KIF24: variants seen among roughly 807,000 people sequenced by gnomAD.
KIF24 encodes the protein kinesin-like protein KIF24.
KIF24 carries 81 observed loss-of-function variants against 118.9 expected under a neutral mutation model. That is an observed-to-expected ratio of 0.68 (90% CI 0.57 to 0.82). KIF24 has a LOEUF of 0.82. Among genes scored for constraint, KIF24 ranks in the 40% least tolerant of loss-of-function variants. The probability of loss-of-function intolerance (pLI) is 0.00; values close to 1 mark genes in which losing one functional copy is unlikely to be tolerated. For missense variants in KIF24, 1,560 were observed against 1,661.6 expected (o/e 0.94, Z 1.06); for synonymous variants, 599 against 610.0 (o/e 0.98, Z 0.27).
chr9:34,276,615 C>A (rs1835670558), intron 6 of KIF24, among the ~76,000 whole-genome samples: 2 of 151,870 alleles, frequency 1.3e-5, no homozygotes, highest in African/African-American at 4.8e-5. Flanking sequence ...ATATTTTTTC[C>A]ATGATCTAAG....
rs1317249586 is a variant in KIF24 at position 34,256,739 on chromosome 9, A to T, written c.2868T>A (p.Ser956=). ...AGGCATCCTTTCTGAGATCAAAGGA[A>T]GAGCCTCCACCTCTTTCCTGTCTAT... ...FIYRQERGGG[S]SFDLRKDASQ... The change falls in exon 11 of 13, where the codon TCT becomes TCA. Residue 956 remains serine (S), a synonymous_variant. Coordinates refer to ENST00000402558, the MANE Select transcript of KIF24 (RefSeq NM_194313.4). 2 of 1,613,960 alleles carry T rather than the reference A, an allele frequency of 1.2e-6. No individual in the cohort carries two copies. Among genetic ancestry groups the T allele is most frequent in the South Asian group, 2.2e-5 (2 of 91,086 alleles).
At chr9:34,269,224 G>A (rs1381089422) in intron 8 of KIF24, 33 bp downstream of exon 8, 2 of 1,320,648 alleles carry the variant, frequency 1.5e-6, no homozygotes, top group Non-Finnish European at 2.2e-6. Context: ...CTTTCAAGAA[G>A]GATTTTTAGA....
intron 7 of KIF24, among the ~76,000 whole-genome samples, chr9:34,269,995 A>T (rs12237192): frequency 6.7e-6 from 1 of 149,932 alleles, no homozygotes; most frequent in Admixed American, 6.6e-5. Flanking sequence ...AAGCCGAGGC[A>T]GGCAGATCAC....
intron 8 of KIF24, among the ~76,000 whole-genome samples, chr9:34,266,522 CA>C (rs537815532): frequency 6.6e-6 from 1 of 151,638 alleles, no homozygotes; most frequent in Non-Finnish European, 1.5e-5. Context: ...ACTAAAAATA[CA>C]AAAAATTAGC....
intron 3 of KIF24, among the ~76,000 whole-genome samples, chr9:34,297,949 G>A (rs1004609421): frequency 6.6e-6 from 1 of 151,758 alleles, no homozygotes; most frequent in African/African-American, 2.4e-5. Context: ...TCCTAAAAAT[G>A]TTAATCTACA....
At chr9:34,315,038 G>A (rs754019995) in intron 1 of KIF24, among the ~76,000 whole-genome samples, 33 of 152,208 alleles carry the variant, frequency 2.2e-4, no homozygotes, top group Non-Finnish European at 3.4e-4. Context: ...GGAAGTAGGT[G>A]GTAGAGGGTG....
chr9:34,268,603 G>T (rs1005940262), intron 8 of KIF24, among the ~76,000 whole-genome samples: 10 of 151,656 alleles, frequency 6.6e-5, no homozygotes, highest in Non-Finnish European at 1.0e-4. Context: ...CACCTCCTGG[G>T]TTCAAGCGAT....
At position 34,255,944 on chromosome 9, in the gene KIF24, G is replaced by A; in HGVS notation, c.3663C>T (p.Ala1221=). 1.2e-6 allele frequency: 2 copies of A among 1,613,924 alleles called. No individual in the cohort carries two copies. Among genetic ancestry groups the A allele is most frequent in the Non-Finnish European group, 1.7e-6 (2 of 1,179,866 alleles). Reference sequence around the variant, plus strand: ...GCCTTGTAGGATGTTTTCTCTCCTGGGCCCAGAGCTGGTCAGCCACATCAC... The same window carrying A: ...GCCTTGTAGGATGTTTTCTCTCCTGAGCCCAGAGCTGGTCAGCCACATCAC... ...GSSDVADQLW[A]QERKHPTRLG... Residue 1221 remains alanine, a synonymous_variant, in exon 11 of 13, where the codon GCC becomes GCT. Transcript: ENST00000402558.
chr9:34,321,451 T>A (rs966699207), intron 1 of KIF24, among the ~76,000 whole-genome samples: 2 of 151,852 alleles, frequency 1.3e-5, no homozygotes, highest in Admixed American at 1.3e-4. Context: ...AAATTAGATA[T>A]GTTAAAGTAC....
intron 1 of KIF24, among the ~76,000 whole-genome samples, chr9:34,316,780 A>T (rs1587971723): frequency 6.6e-6 from 1 of 152,164 alleles, no homozygotes; most frequent in South Asian, 2.1e-4. Flanking sequence ...AAGTAAAAAT[A>T]GTGCTTACTG....
At position 34,259,607 on chromosome 9, in the gene KIF24, G is replaced by A. The variant is rs1305682030; in HGVS notation, c.1614C>T (p.Arg538=). ...VATEHTLNTL[R]YADRVKELKK... ...GGGAGCTGACTTACCGGTCAGCATA[G>A]CGCAAGGTGTTGAGAGTGTGTTCAG... The change falls in exon 10 of 13, where the codon CGC becomes CGT. Residue 538 remains arginine (R), a synonymous_variant. Coordinates refer to ENST00000402558, the MANE Select transcript of KIF24 (RefSeq NM_194313.4). 2 of 1,613,720 alleles carry A rather than the reference G, an allele frequency of 1.2e-6. No individual in the cohort carries two copies. The highest frequency in any genetic ancestry group is 1.7e-6 in the Non-Finnish European group (2 of 1,179,640).
chr9:34,256,888 C>G lies in KIF24; in HGVS notation c.2719G>C (p.Asp907His). The change falls in exon 11 of 13, where the codon GAT becomes CAT. Residue 907 changes from aspartate to histidine, a missense_variant. Coordinates refer to ENST00000402558, the MANE Select transcript of KIF24 (RefSeq NM_194313.4). Reference protein sequence around the residue: ...DPINHRRAALDHSCSPSKGPV... With the variant: ...DPINHRRAALHHSCSPSKGPV... The stretch of plus-strand genomic sequence containing the variant: ...CCCTTACTTGGGCTGCAGCTGTGAT[C>G]GAGTGCTGCTCTTCTGTGGTTTATG... 6.2e-7 allele frequency: 1 copy of G among 1,613,958 alleles called. No homozygotes were observed. Among genetic ancestry groups the G allele is most frequent in the Non-Finnish European group, 8.5e-7 (1 of 1,179,886 alleles).
chr9:34,286,266 A>T (rs751137802), intron 6 of KIF24, among the ~76,000 whole-genome samples: 1 of 152,122 alleles, frequency 6.6e-6, no homozygotes, highest in Non-Finnish European at 1.5e-5. Context: ...CCCACGAGGC[A>T]GAGGTTGCAG....
chr9:34,256,377 G>A lies in KIF24; in HGVS notation c.3230C>T (p.Thr1077Met), dbSNP rs34101674. ...PSEQLVQDGA[T>M]HSLVAESTGG... ...TGTGCTCTCTGCCACTAGACTGTGC[G>A]TAGCCCCATCCTGGACCAGCTGCTC... is the stretch of plus-strand genomic sequence containing the variant. Residue 1077 changes from threonine to methionine, a missense_variant, in exon 11 of 13, where the codon ACG (threonine) becomes ATG (methionine). By Grantham distance (81) the Thr-to-Met change is moderately conservative. Transcript: ENST00000402558. The A allele has an allele frequency of 5.0e-4, 800 of 1,613,880 alleles. 4 individuals are homozygous for A. The highest frequency in any genetic ancestry group is 1.6e-3 in the Middle Eastern group (10 of 6,062).
chr9:34,256,255 G>C lies in KIF24; in HGVS notation c.3352C>G (p.Pro1118Ala), dbSNP rs368001662. Residue 1118 changes from proline (P) to alanine (A), a missense_variant, in exon 11 of 13, where the codon CCC (proline) becomes GCC (alanine). This residue lies in a region of KIF24 where 591 missense variants were observed against 655.6 expected (regional missense o/e 0.90). Coordinates refer to ENST00000402558, the MANE Select transcript of KIF24 (RefSeq NM_194313.4). The stretch of plus-strand genomic sequence containing the variant: ...TCACCACCAGGCTTATTATCAGGGG[G>C]AGATGAGGACAGCCACAGGTGCCTA... Reference protein sequence around the residue: ...ATRHLWLSSSPPDNKPGGDLP... With the variant: ...ATRHLWLSSSAPDNKPGGDLP... 3.1e-6 allele frequency: 5 copies of C among 1,606,526 alleles called. No homozygotes were observed. The Admixed American group carries it at 6.7e-5, about 22-fold the overall frequency.
chr9:34,319,511 T>C (rs1191099874), intron 1 of KIF24: 3 of 1,278,606 alleles, frequency 2.3e-6, no homozygotes, highest in Admixed American at 1.8e-5. Context: ...AGGACATCTA[T>C]GGGAGCAAGG....
intron 2 of KIF24, among the ~76,000 whole-genome samples, chr9:34,307,357 G>A (rs959856159): frequency 2.0e-5 from 3 of 151,042 alleles, no homozygotes; most frequent in Admixed American, 6.6e-5. Flanking sequence ...CAGTCATCAC[G>A]CTCAGCCTGG....
At chr9:34,254,778 T>C (rs1834755471) in intron 12 of KIF24, among the ~76,000 whole-genome samples, 1 of 152,070 alleles carries the variant, frequency 6.6e-6, no homozygotes, top group East Asian at 1.9e-4. Context: ...AGCAGACTGG[T>C]CACTGTTAGT....
chr9:34,259,500 CACACACACACGCGTGCACACAT>C, intron 10 of KIF24, 74 bp downstream of exon 10: 1 of 839,654 alleles, frequency 1.2e-6, no homozygotes, highest in East Asian at 2.6e-5. Context: ...CATGCACTTG[CACACACACACGCGTGCACACAT>C]GCTCACACAC....
Sources: gnomAD v4.1 joint callset for allele counts (sites outside exome capture counted in the v4.1 genomes callset) on GRCh38, gnomAD v4.1.1 for gene constraint, gnomAD v4.1.1 regional missense constraint, MANE v1.5 for transcripts, NCBI Gene and HGNC (gene_info 2026-07-23, HGNC 2026-07-21) for gene names.